The following TBC1D32 variants were observed in gnomAD, a reference collection of about 807,000 sequenced individuals.
TBC1D32 encodes the protein TBC1 domain family member 32, also known as protein broad-minded.
A neutral mutation model predicts 170.3 loss-of-function variants in TBC1D32; 151 were observed. The ratio of observed to expected loss-of-function variants is 0.89; its 90% CI spans 0.78 to 1.01. The LOEUF is 1.01. Ranked by LOEUF, TBC1D32 falls within the 50% of genes least tolerant of loss-of-function variation. The pLI is 0.00. For synonymous variants in TBC1D32, 498 were observed against 488.0 expected, an observed-to-expected ratio of 1.02 and a Z score of -0.27; for missense variants, 1,464 against 1,457.1, an observed-to-expected ratio of 1.00 and a Z score of -0.08.
intron 25 of TBC1D32, among the ~76,000 whole-genome samples, chr6:121,131,386 C>G (rs1256971705): frequency 6.6e-6 from 1 of 151,608 alleles, no homozygotes; most frequent in Non-Finnish European, 1.5e-5. Context: ...AAATTGCTAC[C>G]TAGTCTAGTT....
chr6:121,287,280 T>C lies in TBC1D32; in HGVS notation c.1373-3370A>G, dbSNP rs541020120. Among the ~76,000 whole-genome samples, 14 of 151,916 alleles carry C rather than the reference T, an allele frequency of 9.2e-5. No homozygotes were observed. The East Asian group carries it at 2.5e-3, about 27-fold the overall frequency. ...CCCACCTAACGTACAGAGAAACACA[T>C]AGGCTGAAAATAAAAGGATGAAGGA... On this transcript the variant is annotated intron_variant, in intron 12 of 31. Coordinates refer to ENST00000398212, the MANE Select transcript of TBC1D32 (RefSeq NM_152730.6).
intron 29 of TBC1D32, among the ~76,000 whole-genome samples, chr6:121,108,315 T>C (rs773629359): frequency 7.2e-5 from 11 of 152,070 alleles, no homozygotes; most frequent in South Asian, 2.1e-4. Flanking sequence ...ATTATACTTA[T>C]AGAGTTTTGA....
Position 121,112,525 on chromosome 6 carries a change from A to G in TBC1D32, c.3304T>C (p.Leu1102=), listed in dbSNP as rs773689662. 33 of 1,607,794 alleles carry G rather than the reference A, an allele frequency of 2.1e-5. No individual in the cohort carries two copies. Among genetic ancestry groups the G allele is most frequent in the Non-Finnish European group, 2.6e-5 (31 of 1,176,520 alleles). ...SRLLTSAFLW[L]PRLHISSYLP... ...CTTACAGAAATATGTAGCCTTGGCA[A>G]CCAAAGAAAAGCAGAAGTCAGAAGC... The change falls in exon 29 of 32, where the codon TTG becomes CTG. Residue 1102 remains leucine, a synonymous_variant. Coordinates refer to ENST00000398212, the MANE Select transcript of TBC1D32 (RefSeq NM_152730.6).
chr6:121,297,460 TAC>T (rs1335440314), intron 10 of TBC1D32, among the ~76,000 whole-genome samples: 1 of 152,048 alleles, frequency 6.6e-6, no homozygotes, highest in Non-Finnish European at 1.5e-5. Context: ...AAAATGGCAC[TAC>T]ATAAAACCAT....
At chr6:121,203,031 A>G (rs114332952) in intron 22 of TBC1D32, among the ~76,000 whole-genome samples, 2,351 of 151,408 alleles carry the variant, frequency 0.016, 149 homozygotes, top group African/African-American at 0.047. Flanking sequence ...ACATTAATGG[A>G]TAATCCACTG....
At chr6:121,147,023 T>A (rs1224294661) in intron 24 of TBC1D32, among the ~76,000 whole-genome samples, 2 of 152,152 alleles carry the variant, frequency 1.3e-5, no homozygotes, top group Admixed American at 6.5e-5. Context: ...TCTATCTTTA[T>A]GTGTATGTGT....
intron 30 of TBC1D32, among the ~76,000 whole-genome samples, chr6:121,096,411 C>T (rs1297922755): frequency 2.0e-5 from 3 of 152,106 alleles, no homozygotes; most frequent in South Asian, 4.2e-4. Context: ...AACAGACAAA[C>T]AGAGAGCCAA....
intron 15 of TBC1D32, among the ~76,000 whole-genome samples, chr6:121,257,060 G>A (rs746181977): frequency 3.4e-4 from 51 of 152,116 alleles, no homozygotes; most frequent in Non-Finnish European, 6.2e-4. Flanking sequence ...TTAGATTGTT[G>A]TAGTTACAGG....
chr6:121,311,429 A>T (rs1359966219), intron 3 of TBC1D32, among the ~76,000 whole-genome samples: 1 of 152,156 alleles, frequency 6.6e-6, no homozygotes, highest in Non-Finnish European at 1.5e-5. Flanking sequence ...TTCATCTGAA[A>T]ATAAAAATTA....
intron 15 of TBC1D32, among the ~76,000 whole-genome samples, chr6:121,266,779 G>T (rs1003115564): frequency 1.7e-4 from 26 of 152,018 alleles, no homozygotes; most frequent in African/African-American, 6.0e-4. Context: ...GATGAAGCTG[G>T]AAACCATCAT....
At chr6:121,112,291 T>C in intron 29 of TBC1D32, 1 of 335,958 alleles carries the variant, frequency 3.0e-6, no homozygotes, top group Non-Finnish European at 5.3e-6. Flanking sequence ...ATGCTTCTAA[T>C]ATAAATCATT....
chr6:121,254,176 G>C (rs915738831), intron 17 of TBC1D32, among the ~76,000 whole-genome samples: 4 of 152,138 alleles, frequency 2.6e-5, no homozygotes, highest in African/African-American at 9.7e-5. Flanking sequence ...CTTATAAGTG[G>C]GAGCTAAGCT....
intron 15 of TBC1D32, among the ~76,000 whole-genome samples, chr6:121,266,786 T>C (rs1480859718): frequency 2.0e-5 from 3 of 152,042 alleles, no homozygotes; most frequent in Admixed American, 6.6e-5. Flanking sequence ...CTGGAAACCA[T>C]CATCCTCAGC....
intron 22 of TBC1D32, among the ~76,000 whole-genome samples, chr6:121,172,621 G>A (rs912529594): frequency 1.1e-4 from 17 of 152,288 alleles, no homozygotes; most frequent in Admixed American, 4.6e-4. Flanking sequence ...GTAGAAGAAG[G>A]TAGTCATCAA....
chr6:121,223,711 A>C (rs9482123), intron 20 of TBC1D32, among the ~76,000 whole-genome samples: 111,670 of 151,992 alleles, frequency 0.73, 41,434 homozygotes, highest in Non-Finnish European at 0.77. Context: ...GGGAATAATA[A>C]TTAGGGACTC....
intron 24 of TBC1D32, among the ~76,000 whole-genome samples, chr6:121,142,275 A>G (rs1020303117): frequency 3.3e-5 from 5 of 152,244 alleles, no homozygotes; most frequent in African/African-American, 1.2e-4. Context: ...GATCAGAGAA[A>G]GGCAATCTAA....
chr6:121,268,186 A>C (rs752015130), intron 15 of TBC1D32, among the ~76,000 whole-genome samples: 13 of 152,208 alleles, frequency 8.5e-5, no homozygotes, highest in Non-Finnish European at 1.3e-4. Flanking sequence ...AATTCTAAAA[A>C]TCAGAGCACT....
intron 21 of TBC1D32, among the ~76,000 whole-genome samples, chr6:121,217,038 G>A (rs2128320297): frequency 6.6e-6 from 1 of 152,312 alleles, no homozygotes; most frequent in South Asian, 2.1e-4. Flanking sequence ...AAAGATGCAG[G>A]GATGAGGATT....
chr6:121,174,924 G>A lies in TBC1D32; in HGVS notation c.2571-13868C>T, dbSNP rs559847160. ...CACACACCCATAGGTCCCAGCTACCGGAGAGGCTGAGGTGGGAGAATCACC... is the reference window on the plus strand; with the variant it reads ...CACACACCCATAGGTCCCAGCTACCAGAGAGGCTGAGGTGGGAGAATCACC... On this transcript the variant is annotated intron_variant, in intron 22 of 31. Transcript: ENST00000398212. Among the ~76,000 whole-genome samples the A allele has an allele frequency of 7.9e-5, 12 of 151,844 alleles. No individual in the cohort carries two copies. In the East Asian group the frequency reaches 1.2e-3, roughly 15 times the overall value.
Sources: allele counts gnomAD v4.1 joint callset (sites outside exome capture counted in the v4.1 genomes callset), GRCh38; gene constraint gnomAD v4.1.1; transcripts MANE v1.5; gene names NCBI Gene and HGNC (gene_info 2026-07-23, HGNC 2026-07-21).